Variants in ST6GALNAC3 observed in about 807,000 individuals in gnomAD.
The protein encoded by ST6GALNAC3 is alpha-N-acetylgalactosaminide alpha-2,6-sialyltransferase 3.
A neutral mutation model predicts 32.7 loss-of-function variants in ST6GALNAC3; 25 were observed. The observed-to-expected ratio is 0.76, with a 90% CI of 0.56 to 1.07. The LOEUF (loss-of-function observed/expected upper bound fraction) is 1.07, where lower values mean the gene tolerates loss of function less well. ST6GALNAC3 is among the 50% of genes least tolerant of loss of function. ST6GALNAC3 has a pLI of 0.00. For missense variants in ST6GALNAC3, 355 were observed against 382.4 expected (o/e 0.93, Z 0.60); for synonymous variants, 129 against 133.1 (o/e 0.97, Z 0.21).
At chr1:76,530,093 C>T (rs1317607225) in intron 3 of ST6GALNAC3, among the ~76,000 whole-genome samples, 1 of 152,152 alleles carries the variant, frequency 6.6e-6, no homozygotes, top group Non-Finnish European at 1.5e-5. Context: ...ACTTATAATC[C>T]TAACCTATGA....
Position 76,270,390 on chromosome 1 carries a change from C to T in ST6GALNAC3, c.19-43415C>T, listed in dbSNP as rs1390607326. Among the ~76,000 whole-genome samples, 4 of 151,722 alleles carry T rather than the reference C, an allele frequency of 2.6e-5. No individual in the cohort carries two copies. In the East Asian group the frequency reaches 7.8e-4, roughly 30 times the overall value. ...GGCATGGTGGCAGGTGCCTGTAATC[C>T]CAGCTACTCAGGACGCTGAGGCAGG... On this transcript the variant is annotated intron_variant, in intron 1 of 4. Coordinates refer to ENST00000328299, the MANE Select transcript of ST6GALNAC3 (RefSeq NM_152996.4).
At position 76,336,408 on chromosome 1, in the gene ST6GALNAC3, G is replaced by A. The variant is rs536386652; in HGVS notation, c.213+22409G>A. 6.7e-4 allele frequency among the ~76,000 whole-genome samples: 102 copies of A among 152,250 alleles called. 1 individual carries two copies. The highest frequency in any genetic ancestry group is 2.1e-3 in the African/African-American group (87 of 41,554). On this transcript the variant is annotated intron_variant, in intron 2 of 4. Coordinates refer to ENST00000328299, the MANE Select transcript of ST6GALNAC3 (RefSeq NM_152996.4). Reference sequence around the variant, plus strand: ...GTGAATCCCAAGACAATGGTATAGAGGTCTCTAATTCCAAACAGTAATGTA... The same window carrying A: ...GTGAATCCCAAGACAATGGTATAGAAGTCTCTAATTCCAAACAGTAATGTA...
intron 2 of ST6GALNAC3, among the ~76,000 whole-genome samples, chr1:76,327,481 C>G (rs1185667653): frequency 1.3e-5 from 2 of 152,130 alleles, no homozygotes; most frequent in Admixed American, 6.5e-5. Flanking sequence ...AGTCTTTGTT[C>G]TATTAAAGCT....
At chr1:76,512,659 G>A (rs1480829177) in intron 3 of ST6GALNAC3, among the ~76,000 whole-genome samples, 1 of 151,984 alleles carries the variant, frequency 6.6e-6, no homozygotes, top group East Asian at 1.9e-4. Context: ...AGAACACCAG[G>A]ACTTATTCCT....
intron 2 of ST6GALNAC3, among the ~76,000 whole-genome samples, chr1:76,341,617 C>CTTTCTTTCTTTA (rs1647991834): frequency 1.8e-5 from 2 of 110,382 alleles, no homozygotes; most frequent in Non-Finnish European, 3.7e-5. Context: ...TTCTTTCTTT[C>CTTTCTTTCTTTA]TTTCTTTCTT....
chr1:76,628,137 G>A lies in ST6GALNAC3; in HGVS notation c.732-483G>A, dbSNP rs988095217. Reference sequence around the variant, plus strand: ...ACCCTCCATGCTTCATCAGGATAATGGAATCTATTTCCCTACCAACAATTG... The same window carrying A: ...ACCCTCCATGCTTCATCAGGATAATAGAATCTATTTCCCTACCAACAATTG... On this transcript the variant is annotated intron_variant, in intron 4 of 4. Coordinates refer to ENST00000328299, the MANE Select transcript of ST6GALNAC3 (RefSeq NM_152996.4). 2.0e-5 allele frequency among the ~76,000 whole-genome samples: 3 copies of A among 151,852 alleles called. No individual in the cohort carries two copies. The East Asian group carries it at 5.8e-4, about 29-fold the overall frequency.
chr1:76,488,692 C>A (rs1660297840), intron 3 of ST6GALNAC3, among the ~76,000 whole-genome samples: 1 of 152,198 alleles, frequency 6.6e-6, no homozygotes, highest in African/African-American at 2.4e-5. Context: ...TCCATTCCAG[C>A]ATCTGTCAGT....
chr1:76,528,629 C>T (rs144043333), intron 3 of ST6GALNAC3, among the ~76,000 whole-genome samples: 16 of 151,890 alleles, frequency 1.1e-4, no homozygotes, highest in Admixed American at 2.0e-4. Flanking sequence ...GTTTGTGGCT[C>T]GAAAGCATCT....
At chr1:76,252,323 C>T (rs1657667238) in intron 1 of ST6GALNAC3, among the ~76,000 whole-genome samples, 2 of 152,148 alleles carry the variant, frequency 1.3e-5, no homozygotes, top group Admixed American at 1.3e-4. Context: ...TCAGAATCTA[C>T]TACTGTTATA....
chr1:76,368,651 A>G lies in ST6GALNAC3; in HGVS notation c.214-43357A>G, dbSNP rs113880003. Reference sequence around the variant, plus strand: ...CTGGGACATAGAAGTGACTAAATACATATTTGTTTAATGCTTAACAAATGA... The same window carrying G: ...CTGGGACATAGAAGTGACTAAATACGTATTTGTTTAATGCTTAACAAATGA... On this transcript the variant is annotated intron_variant, in intron 2 of 4. Coordinates refer to ENST00000328299, the MANE Select transcript of ST6GALNAC3 (RefSeq NM_152996.4). Among the ~76,000 whole-genome samples, 23 of 152,308 alleles carry G rather than the reference A, an allele frequency of 1.5e-4. 1 individual carries two copies. The highest frequency in any genetic ancestry group is 5.3e-4 in the African/African-American group (22 of 41,568).
chr1:76,467,800 A>G (rs1658740315), intron 3 of ST6GALNAC3, among the ~76,000 whole-genome samples: 1 of 149,740 alleles, frequency 6.7e-6, no homozygotes, highest in Non-Finnish European at 1.5e-5. Flanking sequence ...GTACCCAAAT[A>G]CATAATGAAT....
chr1:76,399,940 T>G (rs1265859485), intron 2 of ST6GALNAC3, among the ~76,000 whole-genome samples: 1 of 152,162 alleles, frequency 6.6e-6, no homozygotes, highest in Non-Finnish European at 1.5e-5. Context: ...ATAAAAACTA[T>G]AACAAATTAT....
intron 1 of ST6GALNAC3, among the ~76,000 whole-genome samples, chr1:76,083,366 C>T (rs1370743889): frequency 2.0e-5 from 3 of 152,254 alleles, no homozygotes; most frequent in African/African-American, 4.8e-5. Flanking sequence ...CGACAATGGG[C>T]TGGACTCGAA....
intron 1 of ST6GALNAC3, among the ~76,000 whole-genome samples, chr1:76,280,884 G>C (rs12067841): frequency 0.042 from 6,441 of 152,190 alleles, 443 homozygotes; most frequent in African/African-American, 0.15. Flanking sequence ...TCCTAAAATA[G>C]AGTAGATGCT....
At chr1:76,318,593 G>A (rs1175682112) in intron 2 of ST6GALNAC3, among the ~76,000 whole-genome samples, 6 of 152,068 alleles carry the variant, frequency 3.9e-5, no homozygotes, top group East Asian at 1.9e-4. Flanking sequence ...TGTCATTACC[G>A]TGTCTATAAT....
chr1:76,516,971 AT>A (rs1478761391), intron 3 of ST6GALNAC3, among the ~76,000 whole-genome samples: 8 of 151,944 alleles, frequency 5.3e-5, no homozygotes, highest in Admixed American at 5.2e-4. Flanking sequence ...TTTCAGTCTT[AT>A]AAAAATTTTT....
At chr1:76,233,274 C>T (rs537788788) in intron 1 of ST6GALNAC3, among the ~76,000 whole-genome samples, 1 of 152,224 alleles carries the variant, frequency 6.6e-6, no homozygotes, top group East Asian at 1.9e-4. Flanking sequence ...ATAATGAAGA[C>T]CTGCTTGTGA....
intron 2 of ST6GALNAC3, among the ~76,000 whole-genome samples, chr1:76,405,373 G>A (rs1571121112): frequency 6.6e-6 from 1 of 152,128 alleles, no homozygotes; most frequent in South Asian, 2.1e-4. Flanking sequence ...AGCTTATTCA[G>A]AGAGAAAAAA....
intron 3 of ST6GALNAC3, among the ~76,000 whole-genome samples, chr1:76,540,904 A>T (rs773074194): frequency 1.3e-5 from 2 of 152,196 alleles, no homozygotes; most frequent in Non-Finnish European, 2.9e-5. Context: ...ATGTTGGGGA[A>T]ACCAATATGT....
Sources: allele counts gnomAD v4.1 joint callset (sites outside exome capture counted in the v4.1 genomes callset), GRCh38; gene constraint gnomAD v4.1.1; transcripts MANE v1.5; gene names NCBI Gene and HGNC (gene_info 2026-07-23, HGNC 2026-07-21).